Variants in EVA1A observed in about 807,000 individuals in gnomAD.
EVA1A encodes the protein protein eva-1 homolog A.
EVA1A carries 7 observed loss-of-function variants against 9.8 expected under a neutral mutation model. That is an observed-to-expected ratio of 0.71 (90% confidence interval 0.41 to 1.34). The LOEUF is 1.34. Ranked by LOEUF, EVA1A falls within the 40% of genes most tolerant of loss-of-function variation. The pLI, the probability that EVA1A is intolerant of heterozygous loss-of-function variation, is 0.01. For missense variants in EVA1A, 206 were observed against 205.9 expected (o/e 1.00, Z 0.00); for synonymous variants, 90 against 85.6 (o/e 1.05, Z -0.28).
intron 3 of EVA1A, among the ~76,000 whole-genome samples, chr2:75,495,480 A>G (rs1310168052): frequency 6.6e-6 from 1 of 152,222 alleles, no homozygotes; most frequent in Non-Finnish European, 1.5e-5. Context: ...GGCTTGTTCC[A>G]GGTCACGCTC....
In EVA1A at chr2:75,492,781, A is replaced by C; in HGVS notation, c.*455T>G. 6.4e-6 allele frequency: 1 copy of C among 156,624 alleles called. No homozygotes were observed. Among genetic ancestry groups the C allele is most frequent in the Non-Finnish European group, 1.4e-5 (1 of 70,800 alleles). 9.7% of individuals were successfully genotyped at this position (156,624 alleles called of 1,614,324 possible). ...TTAAATAATAAGCATGGATCATGCT[A>C]TTTGAATCAGAATCACCTCCATAGC... is the stretch of plus-strand genomic sequence containing the variant. On this transcript the variant is annotated 3_prime_UTR_variant, in exon 4 of 4. Transcript: ENST00000393913.
chr2:75,546,440 C>T (rs1676331679), intron 1 of EVA1A, among the ~76,000 whole-genome samples: 1 of 152,068 alleles, frequency 6.6e-6, no homozygotes, highest in Admixed American at 6.5e-5. Flanking sequence ...GATGAGAGAA[C>T]ACTGTCAAAT....
intron 3 of EVA1A, among the ~76,000 whole-genome samples, chr2:75,516,981 C>A (rs1225834125): frequency 6.6e-6 from 1 of 152,108 alleles, no homozygotes; most frequent in Non-Finnish European, 1.5e-5. Flanking sequence ...GTGACCTAGG[C>A]CTTCACTGAT....
At chr2:75,501,760 C>T (rs140055926) in intron 3 of EVA1A, among the ~76,000 whole-genome samples, 87 of 152,312 alleles carry the variant, frequency 5.7e-4, no homozygotes, top group African/African-American at 2.0e-3. Context: ...GGAAAGGACC[C>T]TGTAGGCAGA....
intron 1 of EVA1A, among the ~76,000 whole-genome samples, chr2:75,531,169 A>G (rs571331724): frequency 6.6e-6 from 1 of 152,230 alleles, no homozygotes; most frequent in Admixed American, 6.5e-5. Flanking sequence ...AAAAACAAAA[A>G]TAAAGTATTT....
intron 1 of EVA1A, among the ~76,000 whole-genome samples, chr2:75,554,503 T>G (rs1415158454): frequency 2.6e-5 from 4 of 152,176 alleles, no homozygotes; most frequent in Non-Finnish European, 4.4e-5. Context: ...CGGCCCACTC[T>G]TTCACCTTCT....
intron 1 of EVA1A, among the ~76,000 whole-genome samples, chr2:75,549,681 T>G (rs932600277): frequency 6.6e-6 from 1 of 152,204 alleles, no homozygotes; most frequent in Non-Finnish European, 1.5e-5. Context: ...TCCTGATACC[T>G]GAAGGCTCAA....
At chr2:75,498,228 A>G (rs1674282246) in intron 3 of EVA1A, among the ~76,000 whole-genome samples, 1 of 152,106 alleles carries the variant, frequency 6.6e-6, no homozygotes, top group South Asian at 2.1e-4. Flanking sequence ...TTCACACAGG[A>G]ATAGAAAATC....
intron 2 of EVA1A, among the ~76,000 whole-genome samples, chr2:75,519,455 A>G (rs1675156804): frequency 6.6e-6 from 1 of 152,166 alleles, no homozygotes; most frequent in Admixed American, 6.5e-5. Context: ...TTCAGGAAAG[A>G]CCAAAACAAG....
intron 1 of EVA1A, among the ~76,000 whole-genome samples, chr2:75,525,047 TA>T (rs1224408482): frequency 2.7e-4 from 41 of 152,108 alleles, no homozygotes; most frequent in Non-Finnish European, 5.9e-5. Flanking sequence ...AAAATGCATA[TA>T]TATAAACACA....
At chr2:75,518,845 G>GC in intron 2 of EVA1A, 1 of 985,448 alleles carries the variant, frequency 1.0e-6, no homozygotes, top group Non-Finnish European at 1.2e-6. Flanking sequence ...CTAAATGTGT[G>GC]CCTTTGGCAG....
chr2:75,506,031 A>G (rs1436484300), intron 3 of EVA1A, among the ~76,000 whole-genome samples: 1 of 152,158 alleles, frequency 6.6e-6, no homozygotes, highest in African/African-American at 2.4e-5. Context: ...GTACATGTAC[A>G]CTTCACATGT....
chr2:75,506,064 A>G (rs1250919465), intron 3 of EVA1A, among the ~76,000 whole-genome samples: 1 of 152,178 alleles, frequency 6.6e-6, no homozygotes, highest in Non-Finnish European at 1.5e-5. Flanking sequence ...ACACTGTTCA[A>G]TATTGCTCCA....
chr2:75,555,336 T>TCTCTCTCTCTCTATCTCC, intron 1 of EVA1A, among the ~76,000 whole-genome samples: 2 of 102,848 alleles, frequency 1.9e-5, no homozygotes, highest in African/African-American at 6.1e-5. Context: ...TCTCTCTCTC[T>TCTCTCTCTCTCTATCTCC]CCCCCATCTC....
Position 75,494,621 on chromosome 2 carries a change from C to A in EVA1A, c.86-1012G>T, listed in dbSNP as rs138929951. On this transcript the variant is annotated intron_variant, in intron 3 of 3. Coordinates refer to ENST00000393913, the MANE Select transcript of EVA1A (RefSeq NM_001135032.2). ...GTGAATGAGCTTGGTTGTGAATCATCCCTCCATCTAGTCTTGAGGGGACCA... is the reference window on the plus strand; with the variant it reads ...GTGAATGAGCTTGGTTGTGAATCATACCTCCATCTAGTCTTGAGGGGACCA... Among the ~76,000 whole-genome samples the A allele has an allele frequency of 1.2e-3, 180 of 152,304 alleles. 3 individuals are homozygous for A. The East Asian group carries it at 0.032, about 27-fold the overall frequency.
intron 1 of EVA1A, among the ~76,000 whole-genome samples, chr2:75,525,937 A>G (rs1675422572): frequency 6.6e-6 from 1 of 152,218 alleles, no homozygotes; most frequent in African/African-American, 2.4e-5. Flanking sequence ...TAACTTTAAC[A>G]CACTGTGATG....
chr2:75,511,192 G>A (rs998569666), intron 3 of EVA1A, among the ~76,000 whole-genome samples: 4 of 152,116 alleles, frequency 2.6e-5, no homozygotes, highest in African/African-American at 9.7e-5. Flanking sequence ...TATCTTTTAG[G>A]AGTAAATTGG....
intron 3 of EVA1A, among the ~76,000 whole-genome samples, chr2:75,506,150 C>T (rs544449808): frequency 6.6e-6 from 1 of 152,192 alleles, no homozygotes; most frequent in Middle Eastern, 3.2e-3. Context: ...TACAAAAACT[C>T]CTTCCTGCCT....
At chr2:75,517,040 C>T (rs1675033744) in intron 3 of EVA1A, among the ~76,000 whole-genome samples, 1 of 152,154 alleles carries the variant, frequency 6.6e-6, no homozygotes, top group South Asian at 2.1e-4. Context: ...CTACATGCTG[C>T]AGCTTGCCCA....
Sources: gnomAD v4.1 joint callset for allele counts (sites outside exome capture counted in the v4.1 genomes callset) on GRCh38, gnomAD v4.1.1 for gene constraint, MANE v1.5 for transcripts, NCBI Gene and HGNC (gene_info 2026-07-23, HGNC 2026-07-21) for gene names.